ITM2A: variants seen among roughly 807,000 people sequenced by gnomAD.
The protein encoded by ITM2A is integral membrane protein 2A.
ITM2A carries 11 observed loss-of-function variants against 16.6 expected under a neutral mutation model. The ratio of observed to expected loss-of-function variants is 0.66; its 90% CI spans 0.42 to 1.10. The LOEUF (loss-of-function observed/expected upper bound fraction) is 1.10. ITM2A is among the 50% of genes least tolerant of loss of function. The pLI is 0.00. For missense variants in ITM2A, 243 were observed against 206.8 expected, an observed-to-expected ratio of 1.17 and a Z score of -1.07; for synonymous variants, 102 against 71.2, an observed-to-expected ratio of 1.43 and a Z score of -2.18.
At chrX:79,364,663 T>A (rs1309184552) in intron 1 of ITM2A, among the ~76,000 whole-genome samples, 1 of 112,176 alleles carries the variant, frequency 8.9e-6, no homozygotes, top group Non-Finnish European at 1.9e-5. Context: ...GTCTTTTAGG[T>A]CATTAGCTCT....
chrX:79,363,274 G>A (rs772564779), intron 2 of ITM2A, 135 bp from the exon 3 acceptor site: 21 of 738,093 alleles, frequency 2.8e-5, no homozygotes, highest in Non-Finnish European at 3.9e-5. Context: ...TCACAATGAA[G>A]ACAAATCAAT....
Position 79,367,307 on chromosome X carries a change from C to T in ITM2A, c.-92G>A. 1.9e-6 allele frequency: 1 copy of T among 527,077 alleles called. No homozygotes were observed. Among genetic ancestry groups the T allele is most frequent in the African/African-American group, 2.3e-5 (1 of 43,201 alleles). 43.4% of individuals were successfully genotyped at this position (527,077 alleles called of 1,213,427 possible). On this transcript the variant is annotated 5_prime_UTR_variant, in exon 1 of 6. In the 5' UTR this introduces an upstream ATG that the reference lacks. Coordinates refer to ENST00000373298, the MANE Select transcript of ITM2A (RefSeq NM_004867.5). ...GGAGATCCTGTTAGCCCAAACAGCACTTACTTTATCTTCAGTCTAACACTA... is the reference window on the plus strand; with the variant it reads ...GGAGATCCTGTTAGCCCAAACAGCATTTACTTTATCTTCAGTCTAACACTA...
At chrX:79,366,257 T>C (rs1308299952) in intron 1 of ITM2A, among the ~76,000 whole-genome samples, 1 of 111,462 alleles carries the variant, frequency 9.0e-6, no homozygotes, top group East Asian at 2.8e-4. Flanking sequence ...GTAGTTTAAA[T>C]TACAACACTG....
chrX:79,364,671 T>C (rs1246734643), intron 1 of ITM2A, among the ~76,000 whole-genome samples: 1 of 112,139 alleles, frequency 8.9e-6, no homozygotes, highest in Non-Finnish European at 1.9e-5. Context: ...GGTCATTAGC[T>C]CTTTTTCAGG....
rs1925602848 is a variant in ITM2A, at chrX:79,367,111, G to A, written c.105C>T (p.Thr35=). The change falls in exon 1 of 6, where the codon ACC becomes ACT. Residue 35 remains threonine (T), a synonymous_variant. Coordinates refer to ENST00000373298, the MANE Select transcript of ITM2A (RefSeq NM_004867.5). ...LSRTVRTQIL[T]GKELRVATQE... is the part of the protein sequence containing the mutation. ...CCCGCCCTGGGACAGCTACCTTGCC[G>A]GTCAGTATCTGAGTTCTGACCGTGC... The A allele has an allele frequency of 8.6e-7, 1 of 1,163,391 alleles. No homozygotes were observed. Among genetic ancestry groups the A allele is most frequent in the East Asian group, 3.0e-5 (1 of 32,856 alleles).
rs1036820002 is a variant in ITM2A, at chrX:79,362,624, A to G, written c.509T>C (p.Val170Ala). 4 of 1,202,539 alleles carry G rather than the reference A, an allele frequency of 3.3e-6. No homozygotes were observed. Among genetic ancestry groups the G allele is most frequent in the Non-Finnish European group, 4.5e-6 (4 of 891,368 alleles). The change falls in exon 4 of 6, where the codon GTT (valine) becomes GCT (alanine). Residue 170 changes from valine to alanine, a missense_variant. Physicochemically the swap from Val to Ala is moderately conservative, Grantham distance 64. Coordinates refer to ENST00000373298, the MANE Select transcript of ITM2A (RefSeq NM_004867.5). ...CTCTACCAGATTTTTTGGAGGCATAACAATAGAAGTATTGAGGGGCATCAG... is the reference window on the plus strand; with the variant it reads ...CTCTACCAGATTTTTTGGAGGCATAGCAATAGAAGTATTGAGGGGCATCAG... ...CYLMPLNTSI[V>A]MPPKNLVELF...
At chrX:79,366,201 T>C (rs1413658848) in intron 1 of ITM2A, among the ~76,000 whole-genome samples, 4 of 111,475 alleles carry the variant, frequency 3.6e-5, no homozygotes, top group Non-Finnish European at 5.7e-5. Context: ...AAATAAATAA[T>C]GGATAACATT....
chrX:79,366,397 C>T (rs931878054), intron 1 of ITM2A, among the ~76,000 whole-genome samples: 2 of 111,350 alleles, frequency 1.8e-5, no homozygotes, highest in African/African-American at 3.3e-5. Flanking sequence ...AAATACCACT[C>T]TAAAAATATA....
Position 79,361,004 on chromosome X carries a change from C to A in ITM2A, c.*85G>T. On this transcript the variant is annotated 3_prime_UTR_variant, in exon 6 of 6. Transcript: ENST00000373298. ...ATAGAGTAAATGCATGAGTAAATAT[C>A]TTGAGTATCCCATAAACCTTAATGT... 1 of 467,776 alleles carries A rather than the reference C, an allele frequency of 2.1e-6. No homozygotes were observed. The highest frequency in any genetic ancestry group is 3.5e-6 in the Non-Finnish European group (1 of 289,646). The allele number at this position is 467,776 out of a possible 1,213,427, so 38.5% of individuals were successfully genotyped here. A position where few individuals can be genotyped will look rare whatever the true frequency, so the allele number is the denominator to read the frequency against.
chrX:79,362,980 C>G lies in ITM2A; in HGVS notation c.403G>C (p.Asp135His). Reference protein sequence around the residue: ...IIDVPVPSFSDSDPAAIIHDF... With the variant: ...IIDVPVPSFSHSDPAAIIHDF... ...TGAATAATTGCTGCAGGGTCACTAT[C>G]AGAGAAACTGGGGACAGGCACATCA... Residue 135 changes from aspartate (D) to histidine (H), a missense_variant, in exon 3 of 6, where the codon GAT becomes CAT. Coordinates refer to ENST00000373298, the MANE Select transcript of ITM2A (RefSeq NM_004867.5). 4 of 1,207,524 alleles carry G rather than the reference C, an allele frequency of 3.3e-6. No individual in the cohort carries two copies. The highest frequency in any genetic ancestry group is 4.5e-6 in the Non-Finnish European group (4 of 891,882).
chrX:79,362,755 C>A, intron 3 of ITM2A, 64 bp from the exon 4 acceptor site: 1 of 822,051 alleles, frequency 1.2e-6, no homozygotes, highest in Non-Finnish European at 1.8e-6. Flanking sequence ...AATTTTCCAA[C>A]TACCATTAGA....
rs769991853 is a variant in ITM2A at position 79,361,357 on chromosome X, G to A, written c.675C>T (p.Phe225=). The change falls in exon 5 of 6, where the codon TTC becomes TTT. Residue 225 remains phenylalanine (F), a synonymous_variant. Coordinates refer to ENST00000373298, the MANE Select transcript of ITM2A (RefSeq NM_004867.5). The stretch of plus-strand genomic sequence containing the variant: ...GCAAGAGGTCTCTGCGACGAAGGCG[G>A]AAGGACTTTCTGTTATTGCAAAGTT... ...IYQLCNNRKS[F]RLRRRDLLLG... The A allele has an allele frequency of 8.3e-6, 10 of 1,209,519 alleles. No individual in the cohort carries two copies. The highest frequency in any genetic ancestry group is 1.1e-5 in the Non-Finnish European group (10 of 893,855).
intron 1 of ITM2A, among the ~76,000 whole-genome samples, chrX:79,365,171 T>C (rs1231008158): frequency 8.9e-6 from 1 of 112,213 alleles, no homozygotes; most frequent in East Asian, 2.8e-4. Context: ...TTCTTGCTAC[T>C]GAGACATGAG....
At position 79,367,238 on chromosome X, in the gene ITM2A, T is replaced by TA; in HGVS notation, c.-24dup. The TA allele has an allele frequency of 9.1e-7, 1 of 1,095,793 alleles. No individual in the cohort carries two copies. Among genetic ancestry groups the TA allele is most frequent in the East Asian group, 3.0e-5 (1 of 32,939 alleles). The allele number at this position is 1,095,793 out of a possible 1,213,427, so 90.3% of individuals were successfully genotyped here. On this transcript the variant is annotated 5_prime_UTR_variant, in exon 1 of 6. Coordinates refer to ENST00000373298, the MANE Select transcript of ITM2A (RefSeq NM_004867.5). ...CATAGTGAATCTTCGGGCTGCGCGG[T>TA]AAGGCGCTGCTGGAATCAGCGTCCT...
Position 79,361,476 on chromosome X carries a change from C to A in ITM2A, c.556G>T (p.Gly186Cys). The change falls in exon 5 of 6, where the codon GGC (glycine) becomes TGC (cysteine). Residue 186 changes from glycine (G) to cysteine (C), a missense_variant. Physicochemically the swap from Gly to Cys is radical, Grantham distance 159 (BLOSUM62 -3). Coordinates refer to ENST00000373298, the MANE Select transcript of ITM2A (RefSeq NM_004867.5). ...LVELFGKLAS[G>C]RYLPQTYVVR... is the part of the protein sequence containing the mutation. ...ACATAAGTTTGAGGCAGATATCTGCCACTCTAAAAATCAAAAGCAAAGATT... is the reference window on the plus strand; with the variant it reads ...ACATAAGTTTGAGGCAGATATCTGCAACTCTAAAAATCAAAAGCAAAGATT... 8.4e-7 allele frequency: 1 copy of A among 1,194,429 alleles called. No homozygotes were observed. The highest frequency in any genetic ancestry group is 1.1e-6 in the Non-Finnish European group (1 of 886,534).
In ITM2A at chrX:79,363,179, C is replaced by T. The variant is rs985815862; in HGVS notation, c.244-40G>A. 4 of 1,042,860 alleles carry T rather than the reference C, an allele frequency of 3.8e-6. No homozygotes were observed. In the African/African-American group the frequency reaches 7.5e-5, roughly 19 times the overall value. 85.9% of individuals were successfully genotyped at this position (1,042,860 alleles called of 1,213,427 possible). A position where few individuals can be genotyped will look rare whatever the true frequency, so the allele number is the denominator to read the frequency against. On this transcript the variant is annotated intron_variant, in intron 2 of 5. Transcript: ENST00000373298. ...GGGAAAATTACAACCTTCTAATAATCACTATCATGATATTTGAATGGCTTT... is the reference window on the plus strand; with the variant it reads ...GGGAAAATTACAACCTTCTAATAATTACTATCATGATATTTGAATGGCTTT...
intron 3 of ITM2A, 90 bp downstream of exon 3, chrX:79,362,852 C>G (rs943629855): frequency 2.7e-6 from 2 of 751,034 alleles, no homozygotes; most frequent in Admixed American, 5.6e-5. Flanking sequence ...CATGTGCATT[C>G]ATGAATGAAT....
rs1277991663 is a variant in ITM2A, at chrX:79,366,970, G to T, written c.111+135C>A. On this transcript the variant is annotated intron_variant, in intron 1 of 5. Transcript: ENST00000373298. ...GAAGGTGCCGCAAGGAGACAGAACC[G>T]AGGCGACCGGGTAAACCCCAGAGAC... 8.8e-6 allele frequency: 4 copies of T among 453,655 alleles called. No individual in the cohort carries two copies. The East Asian group carries it at 1.5e-4, about 18-fold the overall frequency. The allele number at this position is 453,655 out of a possible 1,213,427, so 37.4% of individuals were successfully genotyped here. A position where few individuals can be genotyped will look rare whatever the true frequency, so the allele number is the denominator to read the frequency against.
chrX:79,364,443 T>A (rs1436078593), intron 1 of ITM2A, among the ~76,000 whole-genome samples: 1 of 111,963 alleles, frequency 8.9e-6, no homozygotes, highest in East Asian at 2.8e-4. Flanking sequence ...TGCTTCGGGA[T>A]TGAAACAAGA....
Sources: allele counts gnomAD v4.1 joint callset (sites outside exome capture counted in the v4.1 genomes callset), GRCh38; gene constraint gnomAD v4.1.1; transcripts MANE v1.5; gene names NCBI Gene and HGNC (gene_info 2026-07-23, HGNC 2026-07-21).